The following EEF1AKMT3 variants were observed in gnomAD, a reference collection of about 807,000 sequenced individuals.
EEF1AKMT3 encodes EEF1A lysine methyltransferase 3.
A neutral mutation model predicts 17.8 loss-of-function variants in EEF1AKMT3; 17 were observed. The observed-to-expected ratio is 0.96, with a 90% CI of 0.65 to 1.43. The LOEUF (loss-of-function observed/expected upper bound fraction) is 1.43. Ranked by LOEUF, EEF1AKMT3 falls within the 40% of genes most tolerant of loss-of-function variation. The pLI is 0.00. For synonymous variants in EEF1AKMT3, 116 were observed against 126.5 expected (o/e 0.92, Z 0.56); for missense variants, 244 against 285.8 (o/e 0.85, Z 1.06).
In EEF1AKMT3 at chr12:57,780,582, A is replaced by C; in HGVS notation, c.617A>C (p.Gln206Pro). ...LPQHFQLELA[Q>P]RDEDENVNIY... ...CAGCATTTCCAACTGGAGCTGGCTC[A>C]GCGGGATGAGGATGAAAATGTCAAC... The change falls in exon 3 of 3, where the codon CAG becomes CCG. Residue 206 changes from glutamine to proline, a missense_variant. By Grantham distance (76) the Gln-to-Pro change is moderately conservative. Coordinates refer to ENST00000300209, the MANE Select transcript of EEF1AKMT3 (RefSeq NM_015433.3). 1 of 1,613,590 alleles carries C rather than the reference A, an allele frequency of 6.2e-7. No homozygotes were observed. Among genetic ancestry groups the C allele is most frequent in the Non-Finnish European group, 8.5e-7 (1 of 1,180,024 alleles).
In EEF1AKMT3 at chr12:57,772,991, CTT is replaced by C. The variant is rs577917383; in HGVS notation, c.178-22_178-21del. 640 of 1,614,138 alleles carry C rather than the reference CTT, an allele frequency of 4.0e-4. No homozygotes were observed. In the African/African-American group the frequency reaches 7.8e-3, roughly 20 times the overall value. ...CATATGGAGCCATCCTCACGACTGT[CTT>C]TTTCTCTGTCTTTTCTCCCGTAGGC... On this transcript the variant is annotated intron_variant, in intron 1 of 2. Coordinates refer to ENST00000300209, the MANE Select transcript of EEF1AKMT3 (RefSeq NM_015433.3). This position sits in a 1 kb window ranked among gnomAD's most constrained non-coding sequence, Gnocchi z 4.1.
intron 2 of EEF1AKMT3, among the ~76,000 whole-genome samples, chr12:57,778,293 C>CTTTGTTTTTTTTTTT (rs1955492427): frequency 2.3e-5 from 1 of 43,994 alleles, no homozygotes; most frequent in African/African-American, 8.1e-5. Flanking sequence ...CCATCCTGAG[C>CTTTGTTTTTTTTTTT]TTTTTTTTTT....
chr12:57,772,733 C>A lies in EEF1AKMT3; in HGVS notation c.9C>A (p.Asp3Glu). 1 of 1,612,630 alleles carries A rather than the reference C, an allele frequency of 6.2e-7. No homozygotes were observed. The highest frequency in any genetic ancestry group is 2.2e-5 in the East Asian group (1 of 44,854). MA[D>E]PGPDPESESE... is the part of the protein sequence containing the mutation. ...CTCCCTTGGCGGGCCGGATGGCGGA[C>A]CCCGGCCCAGATCCCGAATCTGAGT... The change falls in exon 1 of 3, where the codon GAC (aspartate) becomes GAA (glutamate). Residue 3 changes from aspartate to glutamate, a missense_variant. Asp to Glu is a conservative substitution (Grantham distance 45, BLOSUM62 2). Transcript: ENST00000300209. The surrounding 1 kb of genome is among the most constrained non-coding windows in gnomAD (Gnocchi z 4.1).
At chr12:57,776,410 A>C (rs1289439861) in intron 2 of EEF1AKMT3, among the ~76,000 whole-genome samples, 1 of 152,176 alleles carries the variant, frequency 6.6e-6, no homozygotes, top group Non-Finnish European at 1.5e-5. Flanking sequence ...TCCTAGGCTA[A>C]CTTAGACCCT....
At chr12:57,777,855 A>G (rs1237260834) in intron 2 of EEF1AKMT3, among the ~76,000 whole-genome samples, 1 of 152,100 alleles carries the variant, frequency 6.6e-6, no homozygotes, top group Non-Finnish European at 1.5e-5. Flanking sequence ...CCCCATCTCT[A>G]CTAAAAATAC....
chr12:57,780,398 G>C lies in EEF1AKMT3; in HGVS notation c.433G>C (p.Asp145His). ...IDHHVFPANY[D>H]LVLGADIVYL... ...CCATCATGTCTTCCCTGCAAACTAT[G>C]ACCTGGTGCTGGGGGCTGATATCGT... is the stretch of plus-strand genomic sequence containing the variant. The change falls in exon 3 of 3, where the codon GAC becomes CAC. Residue 145 changes from aspartate (D) to histidine (H), a missense_variant. Coordinates refer to ENST00000300209, the MANE Select transcript of EEF1AKMT3 (RefSeq NM_015433.3). 6.2e-7 allele frequency: 1 copy of C among 1,614,182 alleles called. No homozygotes were observed. The highest frequency in any genetic ancestry group is 8.5e-7 in the Non-Finnish European group (1 of 1,180,024).
intron 2 of EEF1AKMT3, chr12:57,774,838 G>T: frequency 6.9e-7 from 1 of 1,444,102 alleles, no homozygotes; most frequent in Non-Finnish European, 9.5e-7. Context: ...GGGCTCGGTG[G>T]CTCATGCCTA....
In EEF1AKMT3 at chr12:57,780,525, G is replaced by GGACA. The variant is rs776222085; in HGVS notation, c.563_566dup (p.Glu189AspfsTer22). ...GCCTCCAAGATGAGAAAGGAGCATG[G>GGACA]GACAGAGAGCTTCTTTCAGCACCTC... On this transcript the variant is annotated frameshift_variant, in exon 3 of 3. Transcript: ENST00000300209. LOFTEE classifies it high-confidence loss of function. The GGACA allele has an allele frequency of 8.7e-5, 140 of 1,613,964 alleles. No homozygotes were observed. The Middle Eastern group carries it at 1.6e-3, about 19-fold the overall frequency.
intron 2 of EEF1AKMT3, among the ~76,000 whole-genome samples, chr12:57,778,206 T>C (rs1326583155): frequency 2.0e-5 from 3 of 151,294 alleles, no homozygotes; most frequent in Non-Finnish European, 2.9e-5. Flanking sequence ...CCTGTCCAAA[T>C]TGCGCCTCCT....
At position 57,780,379 on chromosome 12, in the gene EEF1AKMT3, T is replaced by C; in HGVS notation, c.414T>C (p.His138=). ...CCTTGTCCTGGGGGATTGACCATCATGTCTTCCCTGCAAACTATGACCTGG... is the reference window on the plus strand; with the variant it reads ...CCTTGTCCTGGGGGATTGACCATCACGTCTTCCCTGCAAACTATGACCTGG... The part of the protein sequence containing the change: ...VRALSWGIDH[H]VFPANYDLVL... Residue 138 remains histidine (H), a synonymous_variant, in exon 3 of 3, where the codon CAT becomes CAC. Coordinates refer to ENST00000300209, the MANE Select transcript of EEF1AKMT3 (RefSeq NM_015433.3). 9.3e-6 allele frequency: 15 copies of C among 1,614,190 alleles called. No homozygotes were observed. Among genetic ancestry groups the C allele is most frequent in the Admixed American group, 1.7e-5 (1 of 60,026 alleles).
intron 2 of EEF1AKMT3, among the ~76,000 whole-genome samples, chr12:57,777,170 C>T (rs1175715785): frequency 2.0e-5 from 3 of 152,086 alleles, no homozygotes. Context: ...CAACACCCAC[C>T]CCCATCTCTC....
intron 2 of EEF1AKMT3, among the ~76,000 whole-genome samples, chr12:57,773,843 A>G (rs967225122): frequency 6.6e-6 from 1 of 152,112 alleles, no homozygotes. Context: ...CAGACATTAA[A>G]CTTCGTGAGT....
At chr12:57,779,279 A>G (rs563128364) in intron 2 of EEF1AKMT3, among the ~76,000 whole-genome samples, 8 of 152,016 alleles carry the variant, frequency 5.3e-5, no homozygotes, top group Non-Finnish European at 8.8e-5. Context: ...GGGCTTCACC[A>G]TGGCATATAT....
Position 57,780,314 on chromosome 12 carries a change from C to T in EEF1AKMT3, c.349C>T (p.Gln117Ter). The change falls in exon 3 of 3, where the codon CAG becomes TAG. Residue 117 changes from glutamine to a stop codon, truncating the protein, a stop_gained. Coordinates refer to ENST00000300209, the MANE Select transcript of EEF1AKMT3 (RefSeq NM_015433.3). LOFTEE classifies it high-confidence loss of function. ...LALEQIQGNV[Q>*]ANVPAGGQAQ... ...CCTAGAACAGATCCAGGGCAACGTC[C>T]AGGCCAATGTGCCAGCTGGAGGCCA... 6.2e-7 allele frequency: 1 copy of T among 1,614,174 alleles called. No homozygotes were observed. The highest frequency in any genetic ancestry group is 8.5e-7 in the Non-Finnish European group (1 of 1,180,030).
At position 57,780,276 on chromosome 12, in the gene EEF1AKMT3, A is replaced by G. The variant is rs1565817990; in HGVS notation, c.311A>G (p.Asp104Gly). 1 of 1,613,498 alleles carries G rather than the reference A, an allele frequency of 6.2e-7. No homozygotes were observed. Among genetic ancestry groups the G allele is most frequent in the South Asian group, 1.1e-5 (1 of 91,040 alleles). Residue 104 changes from aspartate (D) to glycine (G), a missense_variant, in exon 3 of 3, where the codon GAC (aspartate) becomes GGC (glycine). Coordinates refer to ENST00000300209, the MANE Select transcript of EEF1AKMT3 (RefSeq NM_015433.3). ...ALQGGDVTIT[D>G]LPLALEQIQG... Reference sequence around the variant, plus strand: ...TCAGGGGGGGATGTTACCATCACTGACCTGCCCCTGGCCCTAGAACAGATC... The same window carrying G: ...TCAGGGGGGGATGTTACCATCACTGGCCTGCCCCTGGCCCTAGAACAGATC...
intron 2 of EEF1AKMT3, among the ~76,000 whole-genome samples, chr12:57,777,574 C>T (rs532838237): frequency 6.6e-5 from 10 of 152,240 alleles, no homozygotes; most frequent in South Asian, 2.1e-4. Flanking sequence ...TTCTGCTTAC[C>T]GGCAGGAACT....
At position 57,782,192 on chromosome 12, in the gene EEF1AKMT3, T is replaced by C. The variant is rs1955520832; in HGVS notation, c.*1546T>C. The C allele has an allele frequency of 6.6e-6, 1 of 152,256 alleles. No individual in the cohort carries two copies. The highest frequency in any genetic ancestry group is 2.1e-4 in the South Asian group (1 of 4,836). The allele number at this position is 152,256 out of a possible 1,614,324, so 9.4% of individuals were successfully genotyped here. On this transcript the variant is annotated 3_prime_UTR_variant, in exon 3 of 3. Transcript: ENST00000300209. ...CTCTTGCTTGAATGTGATTTCTTTC[T>C]CCCTGAGACCCATAAGGTTCATCTT...
Position 57,772,885 on chromosome 12 carries a change from C to G in EEF1AKMT3, c.161C>G (p.Ala54Gly), listed in dbSNP as rs776953109. The G allele has an allele frequency of 1.9e-6, 3 of 1,613,888 alleles. No homozygotes were observed. Among genetic ancestry groups the G allele is most frequent in the African/African-American group, 1.3e-5 (1 of 74,946 alleles). ...TTTGGGTCCCGCCTCGGGGTGGCGG[C>G]GCGCGTGTGGGACGCGGTGAGGAAT... ...QNFGSRLGVA[A>G]RVWDAALSLC... Residue 54 changes from alanine to glycine, a missense_variant, in exon 1 of 3, where the codon GCG becomes GGG. Transcript: ENST00000300209. The surrounding 1 kb of genome is among the most constrained non-coding windows in gnomAD (Gnocchi z 4.1).
At chr12:57,774,290 G>T (rs370447028) in intron 2 of EEF1AKMT3, among the ~76,000 whole-genome samples, 59 of 152,296 alleles carry the variant, frequency 3.9e-4, no homozygotes, top group African/African-American at 1.3e-3. Flanking sequence ...AGACCAGCCT[G>T]ACCAACATGG....
Sources: gnomAD v4.1 joint callset for allele counts (sites outside exome capture counted in the v4.1 genomes callset) on GRCh38, gnomAD v4.1.1 for gene constraint, Gnocchi (gnomAD v3.1) non-coding constraint, MANE v1.5 for transcripts, NCBI Gene and HGNC (gene_info 2026-07-23, HGNC 2026-07-21) for gene names.